The following FAXC variants were observed in gnomAD, a reference collection of about 807,000 sequenced individuals.
The protein encoded by FAXC is failed axon connections homolog, metaxin like GST domain containing.
Under a neutral mutation model 41.9 loss-of-function variants are expected in FAXC, and 10 were observed. The ratio of observed to expected loss-of-function variants is 0.24; its 90% CI spans 0.15 to 0.41. The LOEUF is 0.41. Ranked by LOEUF, FAXC falls within the 10% of genes least tolerant of loss-of-function variation. The pLI is 1.00. For synonymous variants in FAXC, 183 were observed against 183.8 expected (o/e 1.00, Z 0.03); for missense variants, 399 against 510.9 (o/e 0.78, Z 2.11).
rs1770423541 is a variant in FAXC, at chr6:99,272,144, ATATGTGTGTG to A, written c.*9010_*9019del. The stretch of plus-strand genomic sequence containing the variant: ...AGAGGTATGAAAACTAATTGAGACT[ATATGTGTGTG>A]TGTGTGTGTGTGTGTGTGTGTGTGT... On this transcript the variant is annotated 3_prime_UTR_variant, in exon 6 of 6. Coordinates refer to ENST00000389677, the MANE Select transcript of FAXC (RefSeq NM_032511.4). 1 of 41,320 alleles carries A rather than the reference ATATGTGTGTG, an allele frequency of 2.4e-5. No individual in the cohort carries two copies. Among genetic ancestry groups the A allele is most frequent in the Non-Finnish European group, 4.5e-5 (1 of 22,038 alleles). 2.6% of individuals were successfully genotyped at this position (41,320 alleles called of 1,614,324 possible).
intron 4 of FAXC, among the ~76,000 whole-genome samples, chr6:99,293,808 C>T (rs1375050054): frequency 6.6e-6 from 1 of 150,666 alleles, no homozygotes; most frequent in East Asian, 2.0e-4. Flanking sequence ...TTTAGCAAAC[C>T]CTTATACCAC....
At chr6:99,283,751 GA>G (rs111360000) in intron 5 of FAXC, among the ~76,000 whole-genome samples, 1,626 of 148,680 alleles carry the variant, frequency 0.011, 33 homozygotes, top group African/African-American at 0.038. Flanking sequence ...AGCAGCAAGA[GA>G]AAAAAAAAAT....
chr6:99,320,311 A>C (rs1238749163), intron 4 of FAXC, among the ~76,000 whole-genome samples: 1 of 152,226 alleles, frequency 6.6e-6, no homozygotes, highest in South Asian at 2.1e-4. Context: ...AATGTATTTT[A>C]TATCATAAAA....
intron 4 of FAXC, among the ~76,000 whole-genome samples, chr6:99,296,041 T>A (rs1771483154): frequency 6.6e-6 from 1 of 152,202 alleles, no homozygotes; most frequent in South Asian, 2.1e-4. Context: ...ATTCAATTAT[T>A]TATTTATGTA....
At chr6:99,293,683 TG>T (rs1771337895) in intron 4 of FAXC, among the ~76,000 whole-genome samples, 2 of 134,864 alleles carry the variant, frequency 1.5e-5, no homozygotes, top group African/African-American at 5.5e-5. Flanking sequence ...TGTGTGTGTG[TG>T]TGTGTGTGTG....
At chr6:99,342,491 T>C (rs924630720) in intron 2 of FAXC, among the ~76,000 whole-genome samples, 42 of 152,194 alleles carry the variant, frequency 2.8e-4, no homozygotes, top group African/African-American at 1.0e-3. Flanking sequence ...ATTACAGGCG[T>C]CTGCCACTAG....
At chr6:99,301,227 C>T (rs957070544) in intron 4 of FAXC, among the ~76,000 whole-genome samples, 1 of 152,214 alleles carries the variant, frequency 6.6e-6, no homozygotes, top group Non-Finnish European at 1.5e-5. Context: ...AAATCCTAAA[C>T]CTTCTCAAAC....
intron 2 of FAXC, among the ~76,000 whole-genome samples, chr6:99,336,022 G>A (rs569791030): frequency 1.2e-4 from 18 of 152,130 alleles, no homozygotes; most frequent in Admixed American, 3.3e-4. Context: ...GTGAGATGCC[G>A]GTGATCTTTT....
At position 99,280,936 on chromosome 6, in the gene FAXC, G is replaced by T; in HGVS notation, c.*228C>A. 3 of 470,422 alleles carry T rather than the reference G, an allele frequency of 6.4e-6. No individual in the cohort carries two copies. Among genetic ancestry groups the T allele is most frequent in the Non-Finnish European group, 1.1e-5 (3 of 262,516 alleles). The allele number at this position is 470,422 out of a possible 1,614,324, so 29.1% of individuals were successfully genotyped here. ...TAATGAAAACAAAAATGGATTTCAG[G>T]AACCATGCTGACATTATTTTTTGCC... On this transcript the variant is annotated 3_prime_UTR_variant, in exon 6 of 6. Coordinates refer to ENST00000389677, the MANE Select transcript of FAXC (RefSeq NM_032511.4).
intron 1 of FAXC, among the ~76,000 whole-genome samples, chr6:99,347,614 G>A (rs1037907630): frequency 2.0e-5 from 3 of 152,170 alleles, no homozygotes; most frequent in African/African-American, 7.2e-5. Context: ...TTTCTGCAAG[G>A]TCATTTAAGC....
In FAXC at chr6:99,349,181, C is replaced by T; in HGVS notation, c.192G>A (p.Lys64=). The T allele has an allele frequency of 2.5e-6, 4 of 1,613,936 alleles. No homozygotes were observed. The highest frequency in any genetic ancestry group is 3.4e-6 in the Non-Finnish European group (4 of 1,180,034). Residue 64 remains lysine (K), a synonymous_variant, in exon 1 of 6, where the codon AAG becomes AAA. Coordinates refer to ENST00000389677, the MANE Select transcript of FAXC (RefSeq NM_032511.4). ...CTCCCCCGGTCAAGTAAAGGGTTTT[C>T]TTCCACCAGGGATCGGAGCCCAGCC... ...MAGLGSDPWW[K]KTLYLTGGAL...
rs560209376 is a variant in FAXC at position 99,278,832 on chromosome 6, A to G, written c.*2332T>C. On this transcript the variant is annotated 3_prime_UTR_variant, in exon 6 of 6. Transcript: ENST00000389677. ...GACTTATTTTACAACTTCATTTTCA[A>G]AGTTGGTTCTCCACATACTTGTATT... is the stretch of plus-strand genomic sequence containing the variant. 2 of 152,330 alleles carry G rather than the reference A, an allele frequency of 1.3e-5. No individual in the cohort carries two copies. Among genetic ancestry groups the G allele is most frequent in the East Asian group, 3.9e-4 (2 of 5,192 alleles). The allele number at this position is 152,330 out of a possible 1,614,324, so 9.4% of individuals were successfully genotyped here.
rs746272463 is a variant in FAXC at position 99,272,812 on chromosome 6, A to C, written c.*8352T>G. 2 of 152,262 alleles carry C rather than the reference A, an allele frequency of 1.3e-5. No homozygotes were observed. Among genetic ancestry groups the C allele is most frequent in the African/African-American group, 2.4e-5 (1 of 41,470 alleles). The allele number at this position is 152,262 out of a possible 1,614,324, so 9.4% of individuals were successfully genotyped here. A position where few individuals can be genotyped will look rare whatever the true frequency, so the allele number is the denominator to read the frequency against. On this transcript the variant is annotated 3_prime_UTR_variant, in exon 6 of 6. Transcript: ENST00000389677. Reference sequence around the variant, plus strand: ...GTCATCTAAGAGACCACCACTTAACAGTATATTAGATGCAAACATTTCAGA... The same window carrying C: ...GTCATCTAAGAGACCACCACTTAACCGTATATTAGATGCAAACATTTCAGA...
At chr6:99,344,437 C>T (rs1465350952) in intron 1 of FAXC, among the ~76,000 whole-genome samples, 1 of 152,138 alleles carries the variant, frequency 6.6e-6, no homozygotes, top group Non-Finnish European at 1.5e-5. Context: ...TTCTTTCTAC[C>T]TAAGCAAGAA....
chr6:99,281,139 G>A lies in FAXC; in HGVS notation c.*25C>T. 9.1e-7 allele frequency: 1 copy of A among 1,095,406 alleles called. No homozygotes were observed. Among genetic ancestry groups the A allele is most frequent in the Non-Finnish European group, 1.4e-6 (1 of 709,400 alleles). 67.9% of individuals were successfully genotyped at this position (1,095,406 alleles called of 1,614,324 possible). A position where few individuals can be genotyped will look rare whatever the true frequency, so the allele number is the denominator to read the frequency against. On this transcript the variant is annotated 3_prime_UTR_variant, in exon 6 of 6. Transcript: ENST00000389677. The stretch of plus-strand genomic sequence containing the variant: ...CGACCCAGGGAGTGGCAGGTCCCAA[G>A]GAAGAGGGTCAGTGAGGCTGGACGT...
chr6:99,316,505 T>C (rs1772362852), intron 4 of FAXC, among the ~76,000 whole-genome samples: 1 of 152,080 alleles, frequency 6.6e-6, no homozygotes, highest in Non-Finnish European at 1.5e-5. Flanking sequence ...GGCACCTGCC[T>C]TTCCAAGGTT....
chr6:99,349,710 A>T (rs1165509360), upstream of FAXC: 1 of 151,834 alleles, frequency 6.6e-6, no homozygotes, highest in Non-Finnish European at 1.5e-5. Flanking sequence ...AGGGAAACAG[A>T]GGCGGGATAA....
intron 4 of FAXC, among the ~76,000 whole-genome samples, chr6:99,315,249 AAAAAAAAAAAAAAC>A (rs1310106614): frequency 6.6e-5 from 9 of 136,170 alleles, no homozygotes; most frequent in African/African-American, 1.7e-4. Context: ...AAAAAAAAAA[AAAAAAAAAAAAAAC>A]CAGTAAATGT....
intron 4 of FAXC, among the ~76,000 whole-genome samples, chr6:99,300,000 C>G (rs974389051): frequency 1.3e-5 from 2 of 152,106 alleles, no homozygotes; most frequent in African/African-American, 4.8e-5. Flanking sequence ...TAGAAAGCAA[C>G]TAGATACTCC....
Sources: gnomAD v4.1 joint callset for allele counts (sites outside exome capture counted in the v4.1 genomes callset) on GRCh38, gnomAD v4.1.1 for gene constraint, MANE v1.5 for transcripts, NCBI Gene and HGNC (gene_info 2026-07-23, HGNC 2026-07-21) for gene names.